Variants in MED27 observed in about 807,000 individuals in gnomAD.
The protein encoded by MED27 is mediator of RNA polymerase II transcription subunit 27.
In MED27, 30 loss-of-function variants were observed where a neutral mutation model predicts 38.2. The observed-to-expected ratio is 0.79, with a 90% CI of 0.59 to 1.07. The LOEUF (loss-of-function observed/expected upper bound fraction) is 1.07, where lower values mean the gene tolerates loss of function less well. Among genes scored for constraint, MED27 ranks in the 50% least tolerant of loss-of-function variants. The pLI, the probability that MED27 is intolerant of heterozygous loss-of-function variation, is 0.00. For missense variants in MED27, 289 were observed against 397.5 expected (o/e 0.73, Z 2.32); for synonymous variants, 122 against 153.5 (o/e 0.79, Z 1.52).
At chr9:131,904,383 G>T (rs1198739821) in intron 4 of MED27, among the ~76,000 whole-genome samples, 1 of 151,748 alleles carries the variant, frequency 6.6e-6, no homozygotes, top group East Asian at 1.9e-4. Context: ...TGCCTAATAA[G>T]ACGTGTTTTA....
chr9:131,909,461 G>T (rs1006966574), intron 4 of MED27, among the ~76,000 whole-genome samples: 1 of 152,214 alleles, frequency 6.6e-6, no homozygotes, highest in Non-Finnish European at 1.5e-5. Context: ...CCCAAAAGTG[G>T]TGGGCCCCTG....
intron 2 of MED27, among the ~76,000 whole-genome samples, chr9:132,064,299 T>G (rs980833568): frequency 6.6e-6 from 1 of 152,062 alleles, no homozygotes; most frequent in African/African-American, 2.4e-5. Context: ...ATAAGGCCGG[T>G]CTCATGCACG....
chr9:132,075,781 G>A (rs1040339189), intron 2 of MED27, among the ~76,000 whole-genome samples: 5 of 152,122 alleles, frequency 3.3e-5, no homozygotes, highest in African/African-American at 1.2e-4. Context: ...ACATCAACAT[G>A]GCTTCCTTTT....
At chr9:131,949,806 C>CTTG (rs1348660073) in intron 3 of MED27, among the ~76,000 whole-genome samples, 8 of 152,174 alleles carry the variant, frequency 5.3e-5, no homozygotes. Context: ...AGGCAGAAGG[C>CTTG]TTGTCTCCAG....
intron 2 of MED27, among the ~76,000 whole-genome samples, 157 bp downstream of exon 2, chr9:132,077,285 T>C (rs889867071): frequency 6.6e-6 from 1 of 152,176 alleles, no homozygotes; most frequent in African/African-American, 2.4e-5. Flanking sequence ...GACTACAAAA[T>C]AGGTTACAGA....
At chr9:131,960,707 C>T (rs919983240) in intron 3 of MED27, among the ~76,000 whole-genome samples, 13 of 152,102 alleles carry the variant, frequency 8.5e-5, no homozygotes, top group African/African-American at 2.9e-4. Flanking sequence ...AGCGTATGTA[C>T]AGAAGATGAA....
At chr9:131,863,499 AG>A (rs1337200108) in intron 6 of MED27, among the ~76,000 whole-genome samples, 1 of 152,224 alleles carries the variant, frequency 6.6e-6, no homozygotes, top group East Asian at 1.9e-4. Flanking sequence ...CGGCACACAC[AG>A]CACATACGAC....
chr9:131,983,430 T>C (rs1831782503), intron 3 of MED27, among the ~76,000 whole-genome samples: 1 of 152,236 alleles, frequency 6.6e-6, no homozygotes, highest in Non-Finnish European at 1.5e-5. Flanking sequence ...TGTCACTAAA[T>C]AGGGAAGAGG....
At chr9:131,967,549 T>C (rs967564699) in intron 3 of MED27, among the ~76,000 whole-genome samples, 5 of 151,806 alleles carry the variant, frequency 3.3e-5, no homozygotes, top group African/African-American at 4.8e-5. Context: ...TGGAGTGCAA[T>C]GGCACGATCT....
chr9:132,048,090 T>A (rs1273988770), intron 2 of MED27, among the ~76,000 whole-genome samples: 1 of 152,196 alleles, frequency 6.6e-6, no homozygotes, highest in Non-Finnish European at 1.5e-5. Context: ...AGATAACTTT[T>A]TTCTTCTTTC....
At chr9:132,058,304 A>G (rs1833623637) in intron 2 of MED27, among the ~76,000 whole-genome samples, 1 of 152,132 alleles carries the variant, frequency 6.6e-6, no homozygotes, top group Non-Finnish European at 1.5e-5. Context: ...CCCTACCCAA[A>G]TATCATCTTG....
At chr9:131,945,476 C>G (rs1272438407) in intron 3 of MED27, among the ~76,000 whole-genome samples, 4 of 152,076 alleles carry the variant, frequency 2.6e-5, no homozygotes, top group Admixed American at 2.6e-4. Flanking sequence ...TAGCAATTTT[C>G]AAGAATATAA....
chr9:132,027,148 G>C (rs189817087), intron 2 of MED27, among the ~76,000 whole-genome samples: 172 of 152,360 alleles, frequency 1.1e-3, no homozygotes, highest in Middle Eastern at 6.8e-3. Flanking sequence ...CTGAATCAAC[G>C]GAGTGAGGAT....
intron 4 of MED27, among the ~76,000 whole-genome samples, chr9:131,905,988 T>C (rs1747767902): frequency 6.6e-6 from 1 of 152,036 alleles, no homozygotes. Flanking sequence ...AATGAAGAAG[T>C]GTATAAATAC....
chr9:131,918,840 A>AG (rs1287270620), intron 4 of MED27, among the ~76,000 whole-genome samples: 1 of 152,248 alleles, frequency 6.6e-6, no homozygotes, highest in Non-Finnish European at 1.5e-5. Flanking sequence ...CTGGACCTGC[A>AG]GGTCAGCAGA....
At position 132,003,700 on chromosome 9, in the gene MED27, A is replaced by G. The variant is rs1832292124; in HGVS notation, c.479+10637T>C. Among the ~76,000 whole-genome samples, 1 of 152,078 alleles carries G rather than the reference A, an allele frequency of 6.6e-6. No homozygotes were observed. Among genetic ancestry groups the G allele is most frequent in the Non-Finnish European group, 1.5e-5 (1 of 68,012 alleles). On this transcript the variant is annotated intron_variant, in intron 3 of 7. Transcript: ENST00000292035. This position sits in a 1 kb window ranked among gnomAD's most constrained non-coding sequence, Gnocchi z 4.2. ...ATCCCGCTCTCATCATGCAGTTTTA[A>G]CCAATTAGCAACTATTTCTCCATAC...
Position 131,889,998 on chromosome 9 carries a change from AG to A in MED27, c.681+3886del, listed in dbSNP as rs765128567. 2.0e-5 allele frequency among the ~76,000 whole-genome samples: 3 copies of A among 152,218 alleles called. No homozygotes were observed. The highest frequency in any genetic ancestry group is 4.4e-5 in the Non-Finnish European group (3 of 68,040). On this transcript the variant is annotated intron_variant, in intron 5 of 7. Coordinates refer to ENST00000292035, the MANE Select transcript of MED27 (RefSeq NM_004269.4). This position sits in a 1 kb window ranked among gnomAD's most constrained non-coding sequence, Gnocchi z 4.2. ...CTTGTAGAACACATGTCAGGCCCCA[AG>A]GGCTCCTTCCAGACGCCACATTTCA...
intron 2 of MED27, among the ~76,000 whole-genome samples, chr9:132,061,761 T>C (rs1833702590): frequency 6.6e-6 from 1 of 152,196 alleles, no homozygotes; most frequent in Non-Finnish European, 1.5e-5. Flanking sequence ...CTTGATGCAA[T>C]GACAGGCATG....
chr9:131,893,833 T>C (rs1029064797), intron 5 of MED27, 52 bp downstream of exon 5: 10 of 1,314,008 alleles, frequency 7.6e-6, no homozygotes, highest in Admixed American at 3.4e-5. Flanking sequence ...TCGACTACAC[T>C]TGTTCTGGGA....
Sources: allele counts gnomAD v4.1 joint callset (sites outside exome capture counted in the v4.1 genomes callset), GRCh38; gene constraint gnomAD v4.1.1; non-coding constraint Gnocchi (gnomAD v3.1); transcripts MANE v1.5; gene names NCBI Gene and HGNC (gene_info 2026-07-23, HGNC 2026-07-21).